Variants in TPH2 observed in about 807,000 individuals in gnomAD.
The protein encoded by TPH2 is tryptophan 5-hydroxylase 2.
In TPH2, 27 loss-of-function variants were observed where a neutral mutation model predicts 59.1. That is an observed-to-expected ratio of 0.46 (90% CI 0.34 to 0.63). TPH2 has a LOEUF of 0.63. Ranked by LOEUF, TPH2 falls within the 30% of genes least tolerant of loss-of-function variation. The pLI is 0.01. For synonymous variants in TPH2, 220 were observed against 210.5 expected (o/e 1.05, Z -0.39); for missense variants, 523 against 588.3 (o/e 0.89, Z 1.15).
intron 8 of TPH2, among the ~76,000 whole-genome samples, chr12:72,021,452 G>GT (rs35958105): frequency 0.53 from 78,277 of 147,450 alleles, 21,839 homozygotes; most frequent in Non-Finnish European, 0.64. Context: ...TCAACTTACA[G>GT]TTTTTTTTTT....
chr12:71,993,279 T>G (rs1441643315), intron 7 of TPH2, among the ~76,000 whole-genome samples: 1 of 152,218 alleles, frequency 6.6e-6, no homozygotes, highest in Non-Finnish European at 1.5e-5. Flanking sequence ...ATTGTAATAA[T>G]GGTAGCACCT....
intron 8 of TPH2, among the ~76,000 whole-genome samples, chr12:72,000,446 G>A (rs561247754): frequency 6.6e-6 from 1 of 152,184 alleles, no homozygotes; most frequent in South Asian, 2.1e-4. Flanking sequence ...TGAGGATCAT[G>A]TTAAAATGCA....
chr12:72,028,602 T>C (rs1043334994), intron 9 of TPH2, among the ~76,000 whole-genome samples: 7 of 152,156 alleles, frequency 4.6e-5, no homozygotes, highest in East Asian at 1.9e-4. Context: ...TTACTTCATT[T>C]GTTGGCTTCA....
chr12:71,962,219 GGTT>G (rs1357508751), intron 5 of TPH2: 1 of 985,656 alleles, frequency 1.0e-6, no homozygotes, highest in African/African-American at 1.7e-5. Context: ...TCATTTAGAT[GGTT>G]GTTAAGTTGC....
chr12:71,991,232 C>T (rs1320601378), intron 7 of TPH2, among the ~76,000 whole-genome samples: 1 of 152,162 alleles, frequency 6.6e-6, no homozygotes, highest in Non-Finnish European at 1.5e-5. Context: ...AGTAAGCTTT[C>T]GGACTCCATT....
At chr12:71,977,329 T>A (rs1263391190) in intron 6 of TPH2, among the ~76,000 whole-genome samples, 1 of 152,032 alleles carries the variant, frequency 6.6e-6, no homozygotes, top group Non-Finnish European at 1.5e-5. Flanking sequence ...AGTACTGGTA[T>A]TACAGGTGTG....
At chr12:72,006,425 G>C (rs949828361) in intron 8 of TPH2, among the ~76,000 whole-genome samples, 4 of 152,082 alleles carry the variant, frequency 2.6e-5, no homozygotes, top group Non-Finnish European at 5.9e-5. Flanking sequence ...GAGTTACTAA[G>C]AGGAAACCTC....
Position 71,978,968 on chromosome 12 carries a change from G to T in TPH2, c.822G>T (p.Thr274=). 1 of 1,614,058 alleles carries T rather than the reference G, an allele frequency of 6.2e-7. No individual in the cohort carries two copies. ...SMFLKERSGF[T]VRPVAGYLSP... ...CCTTTTTAGAAAGGTCTGGCTTCAC[G>T]GTGAGGCCGGTGGCTGGATACCTGA... is the stretch of plus-strand genomic sequence containing the variant. Residue 274 remains threonine (T), a synonymous_variant, in exon 7 of 11, where the codon ACG becomes ACT. Transcript: ENST00000333850.
At chr12:72,022,201 T>C (rs943904618) in intron 8 of TPH2, among the ~76,000 whole-genome samples, 198 bp from the exon 9 acceptor site, 1 of 152,194 alleles carries the variant, frequency 6.6e-6, no homozygotes, top group Admixed American at 6.5e-5. Context: ...TAGTTAATAC[T>C]TTTTTCATAT....
intron 5 of TPH2, among the ~76,000 whole-genome samples, chr12:71,954,511 T>C: frequency 6.6e-6 from 1 of 152,066 alleles, no homozygotes; most frequent in East Asian, 1.9e-4. Context: ...TACCCCATGA[T>C]TAGATAATGT....
intron 8 of TPH2, among the ~76,000 whole-genome samples, chr12:71,999,406 A>T (rs1872767801): frequency 6.6e-6 from 1 of 152,228 alleles, no homozygotes; most frequent in Non-Finnish European, 1.5e-5. Context: ...GATAATAAAT[A>T]AGACCACTGG....
At chr12:72,010,790 A>G (rs1474371718) in intron 8 of TPH2, among the ~76,000 whole-genome samples, 2 of 152,290 alleles carry the variant, frequency 1.3e-5, no homozygotes, top group East Asian at 3.9e-4. Flanking sequence ...TTTTCATACT[A>G]GCATTCGAGA....
chr12:71,978,656 G>A (rs920396882), intron 6 of TPH2, among the ~76,000 whole-genome samples: 1 of 152,140 alleles, frequency 6.6e-6, no homozygotes, highest in African/African-American at 2.4e-5. Context: ...CAATTTATCT[G>A]AGATTTCTTA....
chr12:71,970,682 C>T (rs1402552369), intron 5 of TPH2, among the ~76,000 whole-genome samples: 1 of 152,198 alleles, frequency 6.6e-6, no homozygotes, highest in Non-Finnish European at 1.5e-5. Context: ...TACATCTTTT[C>T]TATTTTTGTC....
chr12:71,967,926 G>A (rs556541373), intron 5 of TPH2, among the ~76,000 whole-genome samples: 3 of 152,198 alleles, frequency 2.0e-5, no homozygotes, highest in East Asian at 1.9e-4. Context: ...TCCCTCTCCC[G>A]CAGTTATTTG....
intron 8 of TPH2, among the ~76,000 whole-genome samples, chr12:72,021,426 T>C (rs11179059): frequency 0.53 from 79,043 of 149,958 alleles, 22,236 homozygotes; most frequent in Non-Finnish European, 0.64. Flanking sequence ...CCCACTGCTT[T>C]CCAATTTATA....
At chr12:71,943,593 C>A (rs1358659576) in intron 2 of TPH2, among the ~76,000 whole-genome samples, 1 of 152,126 alleles carries the variant, frequency 6.6e-6, no homozygotes, top group Non-Finnish European at 1.5e-5. Flanking sequence ...TAAATGATCC[C>A]ATTTAGGGGT....
intron 5 of TPH2, among the ~76,000 whole-genome samples, chr12:71,950,515 G>A (rs1871316800): frequency 6.6e-6 from 1 of 152,166 alleles, no homozygotes; most frequent in Admixed American, 6.5e-5. Context: ...TGGAAATGGT[G>A]TTGTATGTTG....
intron 7 of TPH2, among the ~76,000 whole-genome samples, chr12:71,986,374 A>G (rs1217282581): frequency 1.3e-5 from 2 of 152,294 alleles, no homozygotes; most frequent in Non-Finnish European, 2.9e-5. Flanking sequence ...CAAGTTTTCA[A>G]TCATAATATT....
Sources: gnomAD v4.1 joint callset for allele counts (sites outside exome capture counted in the v4.1 genomes callset) on GRCh38, gnomAD v4.1.1 for gene constraint, MANE v1.5 for transcripts, NCBI Gene and HGNC (gene_info 2026-07-23, HGNC 2026-07-21) for gene names.